The following USP24 variants were observed in gnomAD, a reference collection of about 807,000 sequenced individuals.
USP24 encodes the protein ubiquitin specific peptidase 24.
A neutral mutation model predicts 361.6 loss-of-function variants in USP24; 97 were observed. The observed-to-expected ratio is 0.27, with a 90% CI of 0.23 to 0.32. The LOEUF (loss-of-function observed/expected upper bound fraction) is 0.32. USP24 is among the 10% of genes least tolerant of loss of function. The probability of loss-of-function intolerance (pLI) is 1.00; values close to 1 mark genes in which losing one functional copy is unlikely to be tolerated. For missense variants in USP24, 2,353 were observed against 3,165.6 expected, an observed-to-expected ratio of 0.74 and a Z score of 6.16; for synonymous variants, 1,098 against 1,124.6, an observed-to-expected ratio of 0.98 and a Z score of 0.47.
chr1:55,129,634 A>ACT, intron 31 of USP24, 60 bp from the exon 32 acceptor site: 1 of 1,326,300 alleles, frequency 7.5e-7, no homozygotes, highest in Non-Finnish European at 1.1e-6. Context: ...TTACTCCTTT[A>ACT]CTAAATAAAA....
intron 63 of USP24, among the ~76,000 whole-genome samples, chr1:55,074,125 A>C (rs1420121047): frequency 2.0e-5 from 3 of 151,716 alleles, no homozygotes; most frequent in Non-Finnish European, 2.9e-5. Flanking sequence ...AAAAAAAAAA[A>C]AAACCACAAC....
chr1:55,141,585 T>G, intron 24 of USP24, 31 bp downstream of exon 24: 1 of 1,544,060 alleles, frequency 6.5e-7, no homozygotes, highest in Non-Finnish European at 8.9e-7. Context: ...GACATATGTG[T>G]GTTGTGTATT....
chr1:55,138,428 T>C (rs1471947517), intron 26 of USP24, among the ~76,000 whole-genome samples, 180 bp downstream of exon 26: 1 of 152,180 alleles, frequency 6.6e-6, no homozygotes, highest in Non-Finnish European at 1.5e-5. Flanking sequence ...CCGCTTGACA[T>C]TATATAATAT....
In USP24 at chr1:55,083,905, T is replaced by C; in HGVS notation, c.6766-17A>G. ...GCTTTTTAACTGGTTAGAGGAAAGA[T>C]AAAATTACATGAAGAAAAAGAACGT... On this transcript the variant is annotated splice_polypyrimidine_tract_variant and intron_variant, in intron 56 of 67. Coordinates refer to ENST00000294383, the MANE Select transcript of USP24 (RefSeq NM_015306.3). The C allele has an allele frequency of 1.3e-6, 2 of 1,538,992 alleles. No individual in the cohort carries two copies. Among genetic ancestry groups the C allele is most frequent in the Non-Finnish European group, 1.8e-6 (2 of 1,133,234 alleles).
intron 63 of USP24, among the ~76,000 whole-genome samples, chr1:55,075,102 G>A (rs1004014081): frequency 6.6e-6 from 1 of 152,072 alleles, no homozygotes; most frequent in African/African-American, 2.4e-5. Flanking sequence ...TGCGTCTCAG[G>A]TTTTGGTTTT....
Position 55,142,991 on chromosome 1 carries a change from A to G in USP24, c.2568T>C (p.Pro856=). 6.6e-7 allele frequency: 1 copy of G among 1,510,408 alleles called. No homozygotes were observed. Among genetic ancestry groups the G allele is most frequent in the East Asian group, 2.5e-5 (1 of 40,394 alleles). The allele number at this position is 1,510,408 out of a possible 1,614,324, so 93.6% of individuals were successfully genotyped here. A position where few individuals can be genotyped will look rare whatever the true frequency, so the allele number is the denominator to read the frequency against. The change falls in exon 22 of 68, where the codon CCT becomes CCC. Residue 856 remains proline (P), a synonymous_variant. Transcript: ENST00000294383. Reference sequence around the variant, plus strand: ...CTTAGATACCTACCTTCTTTAATCTAGGATTTAGATTAATGTAACTATAGT... The same window carrying G: ...CTTAGATACCTACCTTCTTTAATCTGGGATTTAGATTAATGTAACTATAGT... ...IINYSYINLN[P]RLKKDSVSLH...
At chr1:55,165,736 T>C in intron 7 of USP24, 149 bp downstream of exon 7, 1 of 531,732 alleles carries the variant, frequency 1.9e-6, no homozygotes. Context: ...AAACATTTCT[T>C]TGGTTATCAG....
chr1:55,173,647 G>A (rs940355046), intron 3 of USP24, among the ~76,000 whole-genome samples: 4 of 152,158 alleles, frequency 2.6e-5, no homozygotes, highest in Non-Finnish European at 4.4e-5. Context: ...AGAGCAGGCT[G>A]GAAGAGCCCA....
In USP24 at chr1:55,215,089, T is replaced by C. The variant is rs555026794; in HGVS notation, c.25A>G (p.Met9Val). ...AAGCCCATGCACAGCAGCGTGGTCA[T>C]GTGCTGCTCCTCCTCCGATTCCATG... is the stretch of plus-strand genomic sequence containing the variant. Reference protein sequence around the residue: MESEEEQHMTTLLCMGFSD... With the variant: MESEEEQHVTTLLCMGFSD... The change falls in exon 1 of 68, where the codon ATG becomes GTG. Residue 9 changes from methionine (M) to valine (V), a missense_variant. By Grantham distance (21) the Met-to-Val change is conservative. Transcript: ENST00000294383. The C allele has an allele frequency of 1.1e-5, 15 of 1,334,846 alleles. No homozygotes were observed. The South Asian group carries it at 2.5e-4, about 22-fold the overall frequency. The allele number at this position is 1,334,846 out of a possible 1,614,324, so 82.7% of individuals were successfully genotyped here. A position where few individuals can be genotyped will look rare whatever the true frequency, so the allele number is the denominator to read the frequency against.
At chr1:55,151,753 A>G (rs1647199793) in intron 16 of USP24, among the ~76,000 whole-genome samples, 1 of 152,168 alleles carries the variant, frequency 6.6e-6, no homozygotes, top group Admixed American at 6.5e-5. Flanking sequence ...TGCAGAATCT[A>G]CAGAAATAAA....
chr1:55,074,759 A>G (rs1644991828), intron 63 of USP24, among the ~76,000 whole-genome samples: 2 of 152,102 alleles, frequency 1.3e-5, no homozygotes, highest in South Asian at 4.1e-4. Flanking sequence ...TGTGGCTCTG[A>G]CTAGAGTACA....
intron 23 of USP24, among the ~76,000 whole-genome samples, chr1:55,142,053 T>C (rs1419015961): frequency 1.3e-5 from 2 of 152,180 alleles, no homozygotes; most frequent in Admixed American, 6.6e-5. Context: ...TAATGACATA[T>C]TTGGATAGAA....
chr1:55,203,801 C>T (rs535855476), intron 1 of USP24, among the ~76,000 whole-genome samples: 9 of 152,108 alleles, frequency 5.9e-5, no homozygotes, highest in African/African-American at 1.7e-4. Context: ...TATCATGAAC[C>T]AATTGTTTTA....
chr1:55,212,599 G>C (rs1343444320), intron 1 of USP24, among the ~76,000 whole-genome samples: 6 of 152,150 alleles, frequency 3.9e-5, no homozygotes, highest in African/African-American at 1.2e-4. Context: ...TGTACACCAA[G>C]GATGACCAAG....
intron 41 of USP24, among the ~76,000 whole-genome samples, chr1:55,105,194 T>A (rs1645737795): frequency 6.6e-6 from 1 of 152,226 alleles, no homozygotes; most frequent in Non-Finnish European, 1.5e-5. Flanking sequence ...AATATTCACT[T>A]GTTTCTGCTG....
At chr1:55,083,193 CATTT>C (rs1332954429) in intron 58 of USP24, 75 bp downstream of exon 58, 43 of 1,409,608 alleles carry the variant, frequency 3.1e-5, no homozygotes, top group Non-Finnish European at 4.1e-5. Flanking sequence ...AAATTAAAAA[CATTT>C]ATCACCTACA....
intron 39 of USP24, 143 bp downstream of exon 39, chr1:55,110,042 T>A: frequency 1.6e-6 from 1 of 630,620 alleles, no homozygotes; most frequent in South Asian, 3.1e-5. Flanking sequence ...TATATGCTAT[T>A]TTCAAGAAAA....
At chr1:55,178,699 ATAAATAAATAAATAAATAAATAAATAAAT>A (rs1650252149) in intron 1 of USP24, among the ~76,000 whole-genome samples, 1 of 123,754 alleles carries the variant, frequency 8.1e-6, no homozygotes, top group African/African-American at 3.9e-5. Context: ...AAATAAATAA[ATAAATAAATAAATAAATAAATAAATAAAT>A]AAAAAGAACT....
intron 57 of USP24, 23 bp downstream of exon 57, chr1:55,083,749 A>T (rs1359210127): frequency 2.0e-6 from 3 of 1,525,660 alleles, no homozygotes; most frequent in Non-Finnish European, 2.7e-6. Context: ...TTAGGAAAAG[A>T]TATTAGGAAA....
Sources: gnomAD v4.1 joint callset for allele counts (sites outside exome capture counted in the v4.1 genomes callset) on GRCh38, gnomAD v4.1.1 for gene constraint, MANE v1.5 for transcripts, NCBI Gene and HGNC (gene_info 2026-07-23, HGNC 2026-07-21) for gene names.